Variants in LSAMP observed in about 807,000 individuals in gnomAD.
The protein encoded by LSAMP is limbic system-associated membrane protein.
Under a neutral mutation model 38.6 loss-of-function variants are expected in LSAMP, and 7 were observed. The observed-to-expected ratio is 0.18, with a 90% confidence interval of 0.10 to 0.34. LSAMP has a LOEUF of 0.34. Among genes scored for constraint, LSAMP ranks in the 10% least tolerant of loss-of-function variants. LSAMP has a pLI of 1.00. For synonymous variants in LSAMP, 154 were observed against 166.8 expected (o/e 0.92, Z 0.59); for missense variants, 313 against 420.0 (o/e 0.75, Z 2.23).
At chr3:116,245,553 A>G (rs79165246) in intron 1 of LSAMP, among the ~76,000 whole-genome samples, 7,037 of 152,214 alleles carry the variant, frequency 0.046, 343 homozygotes, top group Non-Finnish European at 0.062. Flanking sequence ...TATGCAAACT[A>G]TATACAATTT....
chr3:116,161,419 C>T (rs1709883626), intron 1 of LSAMP, among the ~76,000 whole-genome samples: 1 of 152,154 alleles, frequency 6.6e-6, no homozygotes, highest in Non-Finnish European at 1.5e-5. Context: ...AATGTGCCAT[C>T]TGTGGTTAAC....
intron 1 of LSAMP, among the ~76,000 whole-genome samples, chr3:116,283,803 T>G (rs1307562544): frequency 1.3e-5 from 2 of 152,054 alleles, no homozygotes; most frequent in Non-Finnish European, 2.9e-5. Context: ...ATTAAGATAG[T>G]CTCACCAGCC....
chr3:116,000,528 T>C (rs574586488), intron 3 of LSAMP, among the ~76,000 whole-genome samples: 9 of 152,282 alleles, frequency 5.9e-5, no homozygotes, highest in African/African-American at 2.2e-4. Context: ...AAGCACCTGG[T>C]ACACTGAGGG....
rs560029950 is a variant in LSAMP at position 116,037,763 on chromosome 3, C to T, written c.389-18123G>A. Among the ~76,000 whole-genome samples the T allele has an allele frequency of 2.0e-5, 3 of 152,112 alleles. No homozygotes were observed. The East Asian group carries it at 5.8e-4, about 29-fold the overall frequency. ...CTATGTGGTTATACTTGGCCTAGCA[C>T]ACCTTTATAGTTTGTATGTGCATAT... is the stretch of plus-strand genomic sequence containing the variant. On this transcript the variant is annotated intron_variant, in intron 2 of 6. Transcript: ENST00000490035.
intron 3 of LSAMP, among the ~76,000 whole-genome samples, chr3:115,999,754 T>TTGG (rs1939934407): frequency 6.6e-6 from 1 of 151,974 alleles, no homozygotes; most frequent in African/African-American, 2.4e-5. Flanking sequence ...AGCACAGTGG[T>TTGG]TGGTGGGGAG....
intron 1 of LSAMP, among the ~76,000 whole-genome samples, chr3:116,127,086 G>A (rs576837486): frequency 2.0e-5 from 3 of 152,060 alleles, no homozygotes; most frequent in South Asian, 2.1e-4. Flanking sequence ...GATCTACTGC[G>A]GTTTATTTAC....
intron 1 of LSAMP, among the ~76,000 whole-genome samples, chr3:116,298,839 C>T (rs1559818798): frequency 6.6e-6 from 1 of 152,036 alleles, no homozygotes; most frequent in Non-Finnish European, 1.5e-5. Context: ...TGCTTCTGTG[C>T]CAGGTCCTTA....
chr3:116,146,210 A>G (rs933962290), intron 1 of LSAMP, among the ~76,000 whole-genome samples: 2 of 151,894 alleles, frequency 1.3e-5, no homozygotes, highest in Non-Finnish European at 2.9e-5. Context: ...ATTGGCCTAT[A>G]AAGCCTGACT....
chr3:116,037,293 C>T (rs1941067818), intron 2 of LSAMP, among the ~76,000 whole-genome samples: 1 of 152,004 alleles, frequency 6.6e-6, no homozygotes, highest in Admixed American at 6.6e-5. Context: ...TTTTTAAGGC[C>T]AACCAGGGAG....
At chr3:116,068,109 A>G (rs1403331426) in intron 2 of LSAMP, among the ~76,000 whole-genome samples, 2 of 152,182 alleles carry the variant, frequency 1.3e-5, no homozygotes, top group Non-Finnish European at 2.9e-5. Context: ...AACAACAAAT[A>G]ATGGTTTATA....
At chr3:116,026,214 A>G (rs182265968) in intron 2 of LSAMP, among the ~76,000 whole-genome samples, 4 of 152,298 alleles carry the variant, frequency 2.6e-5, no homozygotes, top group Admixed American at 2.6e-4. Context: ...ATCATGACAC[A>G]GTCAGTCTGG....
chr3:115,881,007 G>A (rs1287069768), intron 3 of LSAMP, among the ~76,000 whole-genome samples: 2 of 140,056 alleles, frequency 1.4e-5, no homozygotes, highest in East Asian at 4.2e-4. Context: ...CTGCACTCCA[G>A]CCTGGGCAAT....
intron 1 of LSAMP, among the ~76,000 whole-genome samples, chr3:116,257,872 A>C (rs1229080793): frequency 6.6e-6 from 1 of 152,132 alleles, no homozygotes; most frequent in African/African-American, 2.4e-5. Context: ...TCCGTTATTG[A>C]AATTTTAAAA....
chr3:116,076,577 G>C (rs1200408121), intron 2 of LSAMP, among the ~76,000 whole-genome samples: 7 of 152,022 alleles, frequency 4.6e-5, no homozygotes, highest in Admixed American at 3.9e-4. Context: ...TTTTAAAGTT[G>C]GTTATTTATG....
At chr3:116,268,283 A>T (rs1229679982) in intron 1 of LSAMP, among the ~76,000 whole-genome samples, 1 of 151,972 alleles carries the variant, frequency 6.6e-6, no homozygotes, top group Admixed American at 6.6e-5. Context: ...AGTCTTTTTG[A>T]TAAGTAGAGT....
intron 1 of LSAMP, among the ~76,000 whole-genome samples, chr3:116,396,315 T>G (rs1431411603): frequency 6.6e-6 from 1 of 152,204 alleles, no homozygotes; most frequent in African/African-American, 2.4e-5. Context: ...CGTATCTATG[T>G]TTCAACAGTT....
At chr3:116,215,080 C>T (rs1354369226) in intron 1 of LSAMP, among the ~76,000 whole-genome samples, 1 of 152,168 alleles carries the variant, frequency 6.6e-6, no homozygotes, top group Non-Finnish European at 1.5e-5. Context: ...ACACTGGATA[C>T]ATTGCGGACG....
chr3:116,107,419 G>C (rs965537036), intron 1 of LSAMP, among the ~76,000 whole-genome samples: 5 of 152,150 alleles, frequency 3.3e-5, no homozygotes, highest in Non-Finnish European at 5.9e-5. Flanking sequence ...AGACATGAGG[G>C]CTAGGCTAAA....
At position 116,291,115 on chromosome 3, in the gene LSAMP, C is replaced by T. The variant is rs542594060; in HGVS notation, c.155+153762G>A. On this transcript the variant is annotated intron_variant, in intron 1 of 6. Coordinates refer to ENST00000490035, the MANE Select transcript of LSAMP (RefSeq NM_002338.5). Reference sequence around the variant, plus strand: ...GTCATTATCTGTACTGGGCTTGTTCCTCTTTGTCTCCTTACCCCAATCTAA... The same window carrying T: ...GTCATTATCTGTACTGGGCTTGTTCTTCTTTGTCTCCTTACCCCAATCTAA... Among the ~76,000 whole-genome samples, 267 of 152,298 alleles carry T rather than the reference C, an allele frequency of 1.8e-3. 2 individuals are homozygous for T. Among genetic ancestry groups the T allele is most frequent in the African/African-American group, 6.1e-3 (255 of 41,562 alleles).
Sources: gnomAD v4.1 joint callset for allele counts (sites outside exome capture counted in the v4.1 genomes callset) on GRCh38, gnomAD v4.1.1 for gene constraint, MANE v1.5 for transcripts, NCBI Gene and HGNC (gene_info 2026-07-23, HGNC 2026-07-21) for gene names.